Variants in SAMSN1 observed in about 807,000 individuals in gnomAD.
The protein encoded by SAMSN1 is SAM domain, SH3 domain and nuclear localization signals 1, also known as SAM domain-containing protein SAMSN-1.
A neutral mutation model predicts 42.0 loss-of-function variants in SAMSN1; 31 were observed. The ratio of observed to expected loss-of-function variants is 0.74; its 90% confidence interval spans 0.55 to 1.00. SAMSN1 has a LOEUF of 1.00. Ranked by LOEUF, SAMSN1 falls within the 50% of genes least tolerant of loss-of-function variation. The pLI is 0.00. For synonymous variants in SAMSN1, 178 were observed against 151.9 expected (o/e 1.17, Z -1.26); for missense variants, 464 against 439.4 (o/e 1.06, Z -0.50).
intron 1 of SAMSN1, among the ~76,000 whole-genome samples, chr21:14,535,064 A>C (rs946601416): frequency 6.6e-6 from 1 of 152,176 alleles, no homozygotes; most frequent in Non-Finnish European, 1.5e-5. Flanking sequence ...GAAATGTATG[A>C]GAGTGGTCAG....
chr21:14,558,321 G>A (rs1304076027), intron 2 of SAMSN1, among the ~76,000 whole-genome samples: 1 of 151,730 alleles, frequency 6.6e-6, no homozygotes, highest in African/African-American at 2.4e-5. Flanking sequence ...TGTTGAATTA[G>A]ACAACATGAG....
chr21:14,605,435 C>T (rs192855246), intron 5 of SAMSN1, among the ~76,000 whole-genome samples: 53 of 152,180 alleles, frequency 3.5e-4, no homozygotes, highest in Non-Finnish European at 6.9e-4. Context: ...TCTAGTTTGG[C>T]CAGAGTTAAA....
At chr21:14,601,455 A>G (rs111816421) in intron 6 of SAMSN1, among the ~76,000 whole-genome samples, 3 of 152,214 alleles carry the variant, frequency 2.0e-5, no homozygotes, top group Non-Finnish European at 4.4e-5. Flanking sequence ...TGAAACTATC[A>G]GAATGATTAA....
At chr21:14,495,380 G>C (rs1050482296) in intron 7 of SAMSN1, among the ~76,000 whole-genome samples, 4 of 152,126 alleles carry the variant, frequency 2.6e-5, no homozygotes, top group Non-Finnish European at 5.9e-5. Flanking sequence ...TTTATTTCTT[G>C]AGCAAAGCAG....
At chr21:14,530,904 A>G (rs1979227460) in intron 1 of SAMSN1, among the ~76,000 whole-genome samples, 1 of 152,190 alleles carries the variant, frequency 6.6e-6, no homozygotes, top group Non-Finnish European at 1.5e-5. Flanking sequence ...GAAATTTTCA[A>G]TTTACAAAAA....
At chr21:14,517,587 A>G (rs768847591) in intron 2 of SAMSN1, among the ~76,000 whole-genome samples, 6 of 152,114 alleles carry the variant, frequency 3.9e-5, no homozygotes, top group African/African-American at 7.2e-5. Context: ...TAGTGTGCAC[A>G]TTTCCCATAT....
intron 6 of SAMSN1, among the ~76,000 whole-genome samples, chr21:14,597,596 G>A (rs536067166): frequency 6.6e-6 from 1 of 152,302 alleles, no homozygotes; most frequent in South Asian, 2.1e-4. Context: ...AAAAGTGATT[G>A]TTTTAAAAAT....
chr21:14,594,064 A>G (rs1467857790), exon 7 of SAMSN1: 4 of 714,864 alleles, frequency 5.6e-6, no homozygotes, highest in Admixed American at 2.0e-5. Context: ...ATGGACTCCA[A>G]CATTCAGAGG....
chr21:14,535,531 C>T (rs191274263), intron 1 of SAMSN1, among the ~76,000 whole-genome samples: 3 of 152,302 alleles, frequency 2.0e-5, no homozygotes, highest in Non-Finnish European at 4.4e-5. Context: ...GCTGAATTGA[C>T]TCCCACAAAT....
chr21:14,532,630 T>C (rs1427109540), intron 1 of SAMSN1, among the ~76,000 whole-genome samples: 1 of 152,328 alleles, frequency 6.6e-6, no homozygotes. Flanking sequence ...TGACCTATAA[T>C]GTAATGTTCA....
intron 2 of SAMSN1, among the ~76,000 whole-genome samples, chr21:14,630,130 G>T (rs1159184889): frequency 1.3e-5 from 2 of 152,130 alleles, no homozygotes; most frequent in Non-Finnish European, 2.9e-5. Flanking sequence ...CAATGGAAAA[G>T]CACTGAACTG....
chr21:14,554,106 A>T lies in SAMSN1; in HGVS notation c.261+28030T>A, dbSNP rs369062246. Among the ~76,000 whole-genome samples the T allele has an allele frequency of 5.3e-5, 8 of 152,322 alleles. No individual in the cohort carries two copies. The South Asian group carries it at 1.7e-3, about 32-fold the overall frequency. ...TACTAATTACTATAATAAATACAAT[A>T]AATATTTTACTTTAGCTAGATTTTT... On this transcript the variant is annotated intron_variant, in intron 2 of 8. Coordinates refer to the SAMSN1 transcript ENST00000285670.
intron 2 of SAMSN1, among the ~76,000 whole-genome samples, chr21:14,641,188 A>G (rs1479846435): frequency 6.6e-6 from 1 of 152,168 alleles, no homozygotes; most frequent in Non-Finnish European, 1.5e-5. Context: ...TCTTATGCAT[A>G]TCTAGCAACA....
chr21:14,498,287 GTTA>G (rs1355399966), intron 7 of SAMSN1, among the ~76,000 whole-genome samples, 152 bp downstream of exon 7: 1 of 152,210 alleles, frequency 6.6e-6, no homozygotes, highest in Non-Finnish European at 1.5e-5. Flanking sequence ...TTTGACCAGA[GTTA>G]TTGTTTTCAA....
chr21:14,616,485 T>A (rs180953726), intron 2 of SAMSN1, among the ~76,000 whole-genome samples: 18 of 152,296 alleles, frequency 1.2e-4, no homozygotes, highest in Admixed American at 1.1e-3. Flanking sequence ...CCTATCACAA[T>A]ACCCTCAGGG....
intron 1 of SAMSN1, among the ~76,000 whole-genome samples, chr21:14,644,533 A>C (rs1362622094): frequency 6.6e-6 from 1 of 152,088 alleles, no homozygotes; most frequent in South Asian, 2.1e-4. Flanking sequence ...CAGGTACTAC[A>C]TCAAGGGCCT....
upstream of SAMSN1, chr21:14,583,486 T>G (rs139033820): frequency 1.1e-5 from 6 of 565,666 alleles, no homozygotes; most frequent in Non-Finnish European, 1.9e-5. Context: ...GGGGTAAAAT[T>G]CAGGAACAGA....
chr21:14,612,477 G>A, intron 4 of SAMSN1: 1 of 330,938 alleles, frequency 3.0e-6, no homozygotes. Context: ...TGTGTGAAAT[G>A]TTGTAGAAGA....
chr21:14,485,990 A>T lies in SAMSN1; in HGVS notation c.1044T>A (p.Asp348Glu). ...SGCYISSGNSDNGKEDLESEN... is the reference protein window; with the variant it reads ...SGCYISSGNSENGKEDLESEN... ...CAGACTCCAGATCCTCTTTGCCATT[A>T]TCTGAATTTCCTGATGAGATATAGC... The change falls in exon 8 of 8, where the codon GAT becomes GAA. Residue 348 changes from aspartate (D) to glutamate (E), a missense_variant. Coordinates refer to ENST00000400566, the MANE Select transcript of SAMSN1 (RefSeq NM_022136.5). The T allele has an allele frequency of 1.2e-6, 2 of 1,613,688 alleles. No homozygotes were observed. Among genetic ancestry groups the T allele is most frequent in the East Asian group, 2.2e-5 (1 of 44,848 alleles).
Sources: gnomAD v4.1 joint callset for allele counts (sites outside exome capture counted in the v4.1 genomes callset) on GRCh38, gnomAD v4.1.1 for gene constraint, MANE v1.5 for transcripts, NCBI Gene and HGNC (gene_info 2026-07-23, HGNC 2026-07-21) for gene names.